PI4KA: variants seen among roughly 807,000 people sequenced by gnomAD.
PI4KA encodes phosphatidylinositol 4-kinase alpha.
PI4KA carries 122 observed loss-of-function variants against 271.4 expected under a neutral mutation model. That is an observed-to-expected ratio of 0.45 (90% CI 0.39 to 0.52). The LOEUF (loss-of-function observed/expected upper bound fraction) is 0.52, where lower values mean the gene tolerates loss of function less well. Among genes scored for constraint, PI4KA ranks in the 20% least tolerant of loss-of-function variants. The pLI, the probability that PI4KA is intolerant of heterozygous loss-of-function variation, is 0.00. For synonymous variants in PI4KA, 1,041 were observed against 1,078.8 expected (o/e 0.96, Z 0.69); for missense variants, 1,969 against 2,769.1 (o/e 0.71, Z 6.48).
chr22:20,781,460 C>T (rs751878670), intron 19 of PI4KA, among the ~76,000 whole-genome samples: 3 of 152,196 alleles, frequency 2.0e-5, no homozygotes, highest in Non-Finnish European at 4.4e-5. Flanking sequence ...GCAGCCCAGG[C>T]GAAGGAAGGA....
At chr22:20,829,269 T>G (rs1036514324) in intron 3 of PI4KA, among the ~76,000 whole-genome samples, 2 of 152,194 alleles carry the variant, frequency 1.3e-5, no homozygotes, top group Non-Finnish European at 2.9e-5. Context: ...AATTCAGCTG[T>G]GAATCCATCT....
chr22:20,767,089 T>A (rs1330117873), intron 19 of PI4KA, among the ~76,000 whole-genome samples: 2 of 152,152 alleles, frequency 1.3e-5, no homozygotes. Flanking sequence ...GCAAAATAAA[T>A]AGAAACACAC....
At chr22:20,750,494 A>C (rs1930556621) in intron 27 of PI4KA, among the ~76,000 whole-genome samples, 1 of 152,240 alleles carries the variant, frequency 6.6e-6, no homozygotes, top group South Asian at 2.1e-4. Context: ...ACTAAGTTTG[A>C]ACCTCAAGGC....
chr22:20,811,474 T>C (rs1366343613), intron 8 of PI4KA, among the ~76,000 whole-genome samples: 2 of 152,148 alleles, frequency 1.3e-5, no homozygotes, highest in East Asian at 3.9e-4. Flanking sequence ...CCAGGTGCAC[T>C]GGCTCTTCTA....
At chr22:20,831,080 G>T (rs1385198501) in intron 3 of PI4KA, among the ~76,000 whole-genome samples, 1 of 152,062 alleles carries the variant, frequency 6.6e-6, no homozygotes, top group African/African-American at 2.4e-5. Flanking sequence ...GCCCTTAGGT[G>T]TGTTTCTGTA....
At chr22:20,836,380 G>GT (rs1011593486) in intron 2 of PI4KA, among the ~76,000 whole-genome samples, 4 of 152,156 alleles carry the variant, frequency 2.6e-5, no homozygotes, top group Admixed American at 2.0e-4. Context: ...AAAAACAAAA[G>GT]TTTTTTCTCT....
chr22:20,857,761 C>G (rs571400140), intron 1 of PI4KA, among the ~76,000 whole-genome samples: 8 of 152,252 alleles, frequency 5.3e-5, no homozygotes, highest in Admixed American at 4.6e-4. Flanking sequence ...CCCAAGAGGA[C>G]ATGGTAAGTA....
At position 20,798,699 on chromosome 22, in the gene PI4KA, C is replaced by A. The variant is rs1393515191; in HGVS notation, c.2005-12G>T. On this transcript the variant is annotated splice_polypyrimidine_tract_variant and intron_variant, in intron 16 of 54. Transcript: ENST00000255882. Reference sequence around the variant, plus strand: ...TGATAGATGTATTGCTGGGAGAGAGCAAGATGCACTGTCACCATGCAGGAT... The same window carrying A: ...TGATAGATGTATTGCTGGGAGAGAGAAAGATGCACTGTCACCATGCAGGAT... 5.1e-6 allele frequency: 8 copies of A among 1,562,630 alleles called. No homozygotes were observed. The highest frequency in any genetic ancestry group is 1.7e-4 in the Middle Eastern group (1 of 5,962).
intron 1 of PI4KA, among the ~76,000 whole-genome samples, chr22:20,844,802 A>G (rs1355506750): frequency 6.6e-6 from 1 of 152,232 alleles, no homozygotes; most frequent in Non-Finnish European, 1.5e-5. Flanking sequence ...GCTATTATTA[A>G]TCATCCCCCT....
intron 51 of PI4KA, chr22:20,711,140 C>T (rs1234018888): frequency 2.9e-5 from 16 of 551,190 alleles, no homozygotes; most frequent in Non-Finnish European, 4.4e-5. Context: ...TGGCGGCTCT[C>T]GCCCTAGCTC....
In PI4KA at chr22:20,838,744, A is replaced by AC. The variant is rs758652748; in HGVS notation, c.157-14dup. The AC allele has an allele frequency of 7.3e-4, 1,093 of 1,494,540 alleles. 3 individuals carry two copies. Among genetic ancestry groups the AC allele is most frequent in the Admixed American group, 8.4e-4 (49 of 58,106 alleles). 92.6% of individuals were successfully genotyped at this position (1,494,540 alleles called of 1,614,324 possible). ...GAAGCTTTTGGACCTAGAAAATGAG[A>AC]CCCCCCCAAAAACAGCTCTACAAAA... is the stretch of plus-strand genomic sequence containing the variant. On this transcript the variant is annotated splice_polypyrimidine_tract_variant and intron_variant, in intron 1 of 54. Coordinates refer to ENST00000255882, the MANE Select transcript of PI4KA (RefSeq NM_058004.4).
At chr22:20,773,214 C>G (rs965742797) in intron 19 of PI4KA, among the ~76,000 whole-genome samples, 1 of 152,122 alleles carries the variant, frequency 6.6e-6, no homozygotes, top group Non-Finnish European at 1.5e-5. Flanking sequence ...AGTGAAACCC[C>G]GTCTCTACTA....
chr22:20,854,055 C>T lies in PI4KA; in HGVS notation c.156+4515G>A, dbSNP rs1927305152. Among the ~76,000 whole-genome samples, 2 of 151,672 alleles carry T rather than the reference C, an allele frequency of 1.3e-5. 1 individual carries two copies. The highest frequency in any genetic ancestry group is 4.2e-4 in the South Asian group (2 of 4,800). On this transcript the variant is annotated intron_variant, in intron 1 of 54. Transcript: ENST00000255882. ...CACCTGAGCAATCAAATTAACACTG[C>T]TTCTGATTTACCTGGGGCCTAGCAC...
intron 36 of PI4KA, among the ~76,000 whole-genome samples, chr22:20,732,409 G>A (rs1296012986): frequency 6.6e-6 from 1 of 152,142 alleles, no homozygotes; most frequent in Non-Finnish European, 1.5e-5. Context: ...TGCGTGGCAT[G>A]TTTTCATTCG....
Position 20,751,289 on chromosome 22 carries a change from C to A in PI4KA, c.3153+4G>T. ...CTTAGTGCAGGGGATCGTGTCGGGCCTACCTCACGGGCTTCGTACGTGTCA... is the reference window on the plus strand; with the variant it reads ...CTTAGTGCAGGGGATCGTGTCGGGCATACCTCACGGGCTTCGTACGTGTCA... On this transcript the variant is annotated splice_donor_region_variant and intron_variant, in intron 27 of 54. Coordinates refer to ENST00000255882, the MANE Select transcript of PI4KA (RefSeq NM_058004.4). The A allele has an allele frequency of 6.2e-7, 1 of 1,612,670 alleles. No individual in the cohort carries two copies.
rs755074101 is a variant in PI4KA at position 20,718,783 on chromosome 22, A to T, written c.5156T>A (p.Ile1719Asn). 3 of 1,613,810 alleles carry T rather than the reference A, an allele frequency of 1.9e-6. No individual in the cohort carries two copies. Among genetic ancestry groups the T allele is most frequent in the Non-Finnish European group, 2.5e-6 (3 of 1,179,810 alleles). The change falls in exon 44 of 55, where the codon ATC (isoleucine) becomes AAC (asparagine). Residue 1719 changes from isoleucine to asparagine, a missense_variant. By Grantham distance (149) the Ile-to-Asn change is moderately radical. This residue lies in a region of PI4KA where 388 missense variants were observed against 521.5 expected (regional missense o/e 0.74). Coordinates refer to ENST00000255882, the MANE Select transcript of PI4KA (RefSeq NM_058004.4). The stretch of plus-strand genomic sequence containing the variant: ...CGCTGGGCCGGACAAGGAGCCTGTG[A>T]TCTCCTCTACCAACTGATCCAGGAG... ...GDLLDQLVEE[I>N]TGSLSGPAKD... is the part of the protein sequence containing the mutation.
rs372615565 is a variant in PI4KA at position 20,733,821 on chromosome 22, G to T, written c.4075C>A (p.Leu1359Ile). The stretch of plus-strand genomic sequence containing the variant: ...TTTGGAACCACATCGGCATGCAGGA[G>T]GGACAGCCCCAGGGTCAGCAGCCTG... The part of the protein sequence containing the change: ...RFKLLTLGLS[L>I]LHADVVPNAT... Residue 1359 changes from leucine to isoleucine, a missense_variant, in exon 35 of 55, where the codon CTC (leucine) becomes ATC (isoleucine). Leu to Ile is a conservative substitution (Grantham distance 5). Transcript: ENST00000255882. The T allele has an allele frequency of 7.4e-6, 12 of 1,612,144 alleles. No homozygotes were observed. In the African/African-American group the frequency reaches 1.6e-4, roughly 22 times the overall value.
At chr22:20,737,691 G>A (rs967650052) in intron 32 of PI4KA, among the ~76,000 whole-genome samples, 3 of 150,920 alleles carry the variant, frequency 2.0e-5, no homozygotes, top group African/African-American at 7.3e-5. Context: ...GAGTGCAATG[G>A]TGCGATCTTG....
chr22:20,779,594 C>T (rs1341894108), intron 19 of PI4KA: 8 of 1,614,140 alleles, frequency 5.0e-6, no homozygotes, highest in Non-Finnish European at 6.8e-6. Flanking sequence ...ACTACATCGA[C>T]ATCGTCGACA....
Sources: gnomAD v4.1 joint callset for allele counts (sites outside exome capture counted in the v4.1 genomes callset) on GRCh38, gnomAD v4.1.1 for gene constraint, gnomAD v4.1.1 regional missense constraint, MANE v1.5 for transcripts, NCBI Gene and HGNC (gene_info 2026-07-23, HGNC 2026-07-21) for gene names.